Variants in LINGO2 observed in about 807,000 individuals in gnomAD.
LINGO2 encodes leucine-rich repeat and immunoglobulin-like domain-containing nogo receptor-interacting protein 2.
A neutral mutation model predicts 30.6 loss-of-function variants in LINGO2; 14 were observed. That is an observed-to-expected ratio of 0.46 (90% CI 0.30 to 0.72). The LOEUF is 0.72. Ranked by LOEUF, LINGO2 falls within the 30% of genes least tolerant of loss-of-function variation. LINGO2 has a pLI of 0.07. For synonymous variants in LINGO2, 317 were observed against 288.5 expected, an observed-to-expected ratio of 1.10 and a Z score of -1.00; for missense variants, 729 against 751.7, an observed-to-expected ratio of 0.97 and a Z score of 0.35.
chr9:28,863,140 T>C, the LINGO2 span, among the ~76,000 whole-genome samples: 8 of 152,254 alleles, frequency 5.3e-5, no homozygotes, highest in East Asian at 1.4e-3. Context: ...CCAATGTTTT[T>C]CTTGTTAAAA....
intron 5 of LINGO2, among the ~76,000 whole-genome samples, chr9:28,003,376 TAGATAG>T (rs1361941681): frequency 1.4e-4 from 19 of 137,812 alleles, no homozygotes; most frequent in East Asian, 8.2e-4. Context: ...GATAGATAGA[TAGATAG>T]ATATAGAGAG....
chr9:29,093,954 T>C, the LINGO2 span, among the ~76,000 whole-genome samples: 1 of 138,586 alleles, frequency 7.2e-6, no homozygotes, highest in African/African-American at 2.7e-5. Context: ...ACTTGATTTA[T>C]TGACTTTTCA....
At chr9:29,191,525 A>C in the LINGO2 span, among the ~76,000 whole-genome samples, 3 of 151,668 alleles carry the variant, frequency 2.0e-5, no homozygotes, top group African/African-American at 7.3e-5. Context: ...CTCTTGACTT[A>C]GTTTTGTTGA....
the LINGO2 span, among the ~76,000 whole-genome samples, chr9:29,152,449 T>C: frequency 1.3e-5 from 2 of 152,202 alleles, no homozygotes; most frequent in Non-Finnish European, 2.9e-5. Flanking sequence ...GAAAATATGT[T>C]ACATATACAC....
chr9:28,028,971 C>A (rs1235996320), intron 4 of LINGO2, among the ~76,000 whole-genome samples: 6 of 152,234 alleles, frequency 3.9e-5, no homozygotes, highest in South Asian at 2.1e-4. Context: ...AAACACTGCA[C>A]AGACAACTGC....
chr9:28,739,325 G>A, the LINGO2 span, among the ~76,000 whole-genome samples: 349 of 151,974 alleles, frequency 2.3e-3, 2 homozygotes, highest in African/African-American at 7.5e-3. Flanking sequence ...AAGGAATATT[G>A]TAAAGGGCAG....
intron 1 of LINGO2, among the ~76,000 whole-genome samples, chr9:28,588,221 C>T (rs1246419259): frequency 2.0e-5 from 3 of 151,842 alleles, no homozygotes; most frequent in East Asian, 3.9e-4. Flanking sequence ...CACAACCTCC[C>T]ACCTATGTGG....
intron 4 of LINGO2, among the ~76,000 whole-genome samples, chr9:28,102,662 C>G (rs919458997): frequency 2.0e-5 from 3 of 152,044 alleles, no homozygotes; most frequent in African/African-American, 7.2e-5. Flanking sequence ...CACTTACAAC[C>G]CACAGTATCA....
intron 1 of LINGO2, among the ~76,000 whole-genome samples, chr9:28,664,689 C>T (rs573705583): frequency 1.3e-5 from 2 of 152,022 alleles, no homozygotes; most frequent in East Asian, 3.9e-4. Flanking sequence ...TCATCATATC[C>T]TCTTCTTGGG....
the LINGO2 span, among the ~76,000 whole-genome samples, chr9:29,021,096 G>T: frequency 3.3e-5 from 5 of 152,008 alleles, no homozygotes; most frequent in Non-Finnish European, 5.9e-5. Flanking sequence ...AGAGGCTTTT[G>T]GTGAAACACT....
At chr9:29,090,574 CAT>C in the LINGO2 span, among the ~76,000 whole-genome samples, 2 of 152,090 alleles carry the variant, frequency 1.3e-5, no homozygotes, top group East Asian at 3.9e-4. Context: ...AATTTAGCAA[CAT>C]ATGTTCTCAT....
the LINGO2 span, among the ~76,000 whole-genome samples, chr9:29,118,551 C>T: frequency 1.3e-5 from 2 of 152,110 alleles, no homozygotes; most frequent in African/African-American, 4.8e-5. Context: ...TTGTAGAACC[C>T]TGGTGAAGCC....
chr9:28,739,052 T>TA, the LINGO2 span, among the ~76,000 whole-genome samples: 4 of 151,964 alleles, frequency 2.6e-5, no homozygotes, highest in African/African-American at 7.2e-5. Context: ...ATGGTGGTTT[T>TA]AAAAAATGAT....
intron 1 of LINGO2, among the ~76,000 whole-genome samples, chr9:28,566,005 G>A (rs139264880): frequency 6.6e-6 from 1 of 152,146 alleles, no homozygotes; most frequent in East Asian, 1.9e-4. Flanking sequence ...CCACCATTTT[G>A]TGAAACTTTT....
the LINGO2 span, among the ~76,000 whole-genome samples, chr9:28,989,941 G>C: frequency 7.2e-5 from 11 of 152,284 alleles, no homozygotes; most frequent in African/African-American, 2.6e-4. Context: ...AACAGCTCCG[G>C]TCTACAGCTC....
At chr9:28,108,940 A>G (rs571284264) in intron 4 of LINGO2, among the ~76,000 whole-genome samples, 147 of 152,130 alleles carry the variant, frequency 9.7e-4, no homozygotes, top group Middle Eastern at 3.4e-3. Flanking sequence ...TTTGTCTTCT[A>G]CTTCATGCTA....
At chr9:28,055,364 T>C (rs1824878306) in intron 4 of LINGO2, among the ~76,000 whole-genome samples, 1 of 152,138 alleles carries the variant, frequency 6.6e-6, no homozygotes, top group Non-Finnish European at 1.5e-5. Flanking sequence ...AAATAAACTC[T>C]AAACAAGCTT....
chr9:28,755,807 A>G, the LINGO2 span, among the ~76,000 whole-genome samples: 2 of 152,042 alleles, frequency 1.3e-5, no homozygotes, highest in African/African-American at 4.8e-5. Flanking sequence ...GTAAAGGTCT[A>G]TTGCTCACAG....
At chr9:28,717,613 C>T in the LINGO2 span, among the ~76,000 whole-genome samples, 1 of 152,016 alleles carries the variant, frequency 6.6e-6, no homozygotes, top group Admixed American at 6.6e-5. Context: ...TAAACAATGC[C>T]AATGAATTCA....
Sources: gnomAD v4.1 joint callset for allele counts (sites outside exome capture counted in the v4.1 genomes callset) on GRCh38, gnomAD v4.1.1 for gene constraint, MANE v1.5 for transcripts, NCBI Gene and HGNC (gene_info 2026-07-23, HGNC 2026-07-21) for gene names.